Variants in PGPEP1L observed in about 807,000 individuals in gnomAD.
PGPEP1L encodes pyroglutamyl-peptidase I like.
Under a neutral mutation model 6.0 loss-of-function variants are expected in PGPEP1L, and 7 were observed. That is an observed-to-expected ratio of 1.17 (90% CI 0.66 to 2.19). The LOEUF (loss-of-function observed/expected upper bound fraction) is 2.19, where lower values mean the gene tolerates loss of function less well. Among genes scored for constraint, PGPEP1L ranks in the 30% most tolerant of loss-of-function variants. PGPEP1L has a pLI of 0.00. For missense variants in PGPEP1L, 209 were observed against 192.5 expected, an observed-to-expected ratio of 1.09 and a Z score of -0.51; for synonymous variants, 103 against 83.9, an observed-to-expected ratio of 1.23 and a Z score of -1.24.
At chr15:98,997,405 G>C (rs1044460671) in intron 2 of PGPEP1L, among the ~76,000 whole-genome samples, 1 of 152,176 alleles carries the variant, frequency 6.6e-6, no homozygotes, top group Admixed American at 6.5e-5. Flanking sequence ...TCAGAATAAA[G>C]ACCTCACCTT....
intron 2 of PGPEP1L, among the ~76,000 whole-genome samples, chr15:99,003,064 T>G (rs1555473237): frequency 6.6e-6 from 1 of 151,938 alleles, no homozygotes; most frequent in East Asian, 1.9e-4. Context: ...TCTGAGGGAA[T>G]GAAACAGTTT....
intron 4 of PGPEP1L, 112 bp downstream of exon 4, chr15:98,969,313 T>G: frequency 7.3e-7 from 1 of 1,374,620 alleles, no homozygotes; most frequent in Non-Finnish European, 1.0e-6. Flanking sequence ...CGGCACCGCA[T>G]GGCCAAGTGG....
chr15:98,969,937 T>C (rs149553122), intron 3 of PGPEP1L, among the ~76,000 whole-genome samples: 2,139 of 152,198 alleles, frequency 0.014, 17 homozygotes, highest in Middle Eastern at 0.031. Flanking sequence ...TCTCTTTTTG[T>C]GGGGGGAGGG....
intron 2 of PGPEP1L, among the ~76,000 whole-genome samples, chr15:98,989,489 C>T (rs931142289): frequency 2.0e-5 from 3 of 152,128 alleles, no homozygotes; most frequent in African/African-American, 7.2e-5. Flanking sequence ...GTGAAAAGAA[C>T]AAATCTACGT....
In PGPEP1L at chr15:98,977,419, T is replaced by A. The variant is rs1016343788; in HGVS notation, c.-141-6261A>T. On this transcript the variant is annotated intron_variant, in intron 2 of 4. Coordinates refer to ENST00000535714, the MANE Select transcript of PGPEP1L (RefSeq NM_001167902.2). Reference sequence around the variant, plus strand: ...CATTCATTTCAAAATGCTTGCTAATTTCCTTTTTATGTCTCCTTTCATCTC... The same window carrying A: ...CATTCATTTCAAAATGCTTGCTAATATCCTTTTTATGTCTCCTTTCATCTC... 7.9e-5 allele frequency among the ~76,000 whole-genome samples: 12 copies of A among 152,376 alleles called. No homozygotes were observed. The South Asian group carries it at 2.5e-3, about 32-fold the overall frequency.
chr15:99,005,839 A>G (rs2654975), intron 1 of PGPEP1L, among the ~76,000 whole-genome samples, 183 bp from the exon 2 acceptor site: 142,388 of 152,264 alleles, frequency 0.94, 66,614 homozygotes, highest in South Asian at 0.95. Context: ...GGACAGAAGG[A>G]TGTCTGGGAC....
chr15:98,997,427 G>T lies in PGPEP1L; in HGVS notation c.-142+8002C>A, dbSNP rs571908531. ...AAAGACCTCACCTTGATCCAACGGAGGCATGAAATTGATGGCCAAGTGTGA... is the reference window on the plus strand; with the variant it reads ...AAAGACCTCACCTTGATCCAACGGATGCATGAAATTGATGGCCAAGTGTGA... On this transcript the variant is annotated intron_variant, in intron 2 of 4. Coordinates refer to ENST00000535714, the MANE Select transcript of PGPEP1L (RefSeq NM_001167902.2). 2.2e-3 allele frequency among the ~76,000 whole-genome samples: 330 copies of T among 152,286 alleles called. 1 individual carries two copies. The highest frequency in any genetic ancestry group is 7.6e-3 in the African/African-American group (316 of 41,564).
chr15:98,980,345 G>A (rs2017640160), intron 2 of PGPEP1L, among the ~76,000 whole-genome samples: 2 of 152,116 alleles, frequency 1.3e-5, no homozygotes, highest in Admixed American at 6.5e-5. Context: ...GGAGGAGGGG[G>A]GAGGAAAAGG....
chr15:98,993,251 T>C (rs1283956146), intron 2 of PGPEP1L, among the ~76,000 whole-genome samples: 1 of 151,916 alleles, frequency 6.6e-6, no homozygotes, highest in Non-Finnish European at 1.5e-5. Context: ...AACTTAAATT[T>C]ACAAGAAAAA....
chr15:98,995,675 G>A (rs150694360), intron 2 of PGPEP1L, among the ~76,000 whole-genome samples: 1,565 of 152,312 alleles, frequency 0.01, 37 homozygotes, highest in African/African-American at 0.036. Flanking sequence ...CAGCCTGGGC[G>A]ACAGAGCTAG....
At position 99,007,553 on chromosome 15, in the gene PGPEP1L, A is replaced by C. The variant is rs2018098888; in HGVS notation, c.-564T>G. ...CGTGATCTCGCTGACTTCAGGAGTG[A>C]AGCTACGGACCTTCATCATGAGTGC... is the stretch of plus-strand genomic sequence containing the variant. On this transcript the variant is annotated 5_prime_UTR_variant, in exon 1 of 5. Coordinates refer to ENST00000535714, the MANE Select transcript of PGPEP1L (RefSeq NM_001167902.2). 6.6e-6 allele frequency: 1 copy of C among 152,030 alleles called. No homozygotes were observed. Among genetic ancestry groups the C allele is most frequent in the Non-Finnish European group, 1.5e-5 (1 of 68,006 alleles). 9.4% of individuals were successfully genotyped at this position (152,030 alleles called of 1,614,324 possible).
chr15:98,979,397 G>C (rs2017622427), intron 2 of PGPEP1L, among the ~76,000 whole-genome samples: 1 of 151,800 alleles, frequency 6.6e-6, no homozygotes, highest in Admixed American at 6.6e-5. Context: ...ATGAGTACAA[G>C]AACAGGAGGA....
intron 2 of PGPEP1L, among the ~76,000 whole-genome samples, chr15:98,983,941 AT>A (rs548641431): frequency 6.7e-6 from 1 of 148,758 alleles, no homozygotes; most frequent in Non-Finnish European, 1.5e-5. Context: ...AAAATTGAAC[AT>A]TTTTTTCCTT....
intron 2 of PGPEP1L, among the ~76,000 whole-genome samples, chr15:98,985,050 A>C (rs1375815325): frequency 1.3e-5 from 2 of 151,662 alleles, no homozygotes; most frequent in African/African-American, 4.8e-5. Flanking sequence ...TATGGTGAGC[A>C]AGAAGATTGA....
chr15:98,973,669 A>C (rs1389697881), intron 2 of PGPEP1L, among the ~76,000 whole-genome samples: 2 of 152,150 alleles, frequency 1.3e-5, no homozygotes, highest in Non-Finnish European at 2.9e-5. Context: ...GGCAATGGAA[A>C]CACAATATAT....
intron 1 of PGPEP1L, among the ~76,000 whole-genome samples, chr15:99,005,932 T>C (rs1272365123): frequency 6.6e-6 from 1 of 152,182 alleles, no homozygotes; most frequent in Non-Finnish European, 1.5e-5. Context: ...TCTTATTTTT[T>C]CCTCTTTAGT....
Position 99,007,171 on chromosome 15 carries a change from C to T in PGPEP1L, c.-370+188G>A, listed in dbSNP as rs180962033. On this transcript the variant is annotated intron_variant, in intron 1 of 4. Coordinates refer to ENST00000535714, the MANE Select transcript of PGPEP1L (RefSeq NM_001167902.2). ...GCCAACAGGTGGGAAGCGCCATTTG[C>T]TCCCACTAGTCTCCCACTCCCTGTC... Among the ~76,000 whole-genome samples, 598 of 152,330 alleles carry T rather than the reference C, an allele frequency of 3.9e-3. 2 individuals are homozygous for T. The highest frequency in any genetic ancestry group is 0.013 in the African/African-American group (547 of 41,574).
At chr15:98,990,539 T>C (rs942699391) in intron 2 of PGPEP1L, among the ~76,000 whole-genome samples, 79 of 152,222 alleles carry the variant, frequency 5.2e-4, no homozygotes, top group African/African-American at 1.9e-3. Context: ...CCACTGTCAA[T>C]ATTAAACAGA....
intron 2 of PGPEP1L, among the ~76,000 whole-genome samples, chr15:98,978,902 G>C (rs1323365165): frequency 6.6e-6 from 1 of 151,508 alleles, no homozygotes; most frequent in Non-Finnish European, 1.5e-5. Context: ...GTTAATTTTT[G>C]TGTTTTTAGT....
Sources: gnomAD v4.1 joint callset for allele counts (sites outside exome capture counted in the v4.1 genomes callset) on GRCh38, gnomAD v4.1.1 for gene constraint, MANE v1.5 for transcripts, NCBI Gene and HGNC (gene_info 2026-07-23, HGNC 2026-07-21) for gene names.